PEX5L: variants seen among roughly 807,000 people sequenced by gnomAD.
PEX5L encodes PEX5-related protein.
Under a neutral mutation model 84.0 loss-of-function variants are expected in PEX5L, and 30 were observed. The ratio of observed to expected loss-of-function variants is 0.36; its 90% CI spans 0.27 to 0.48. The LOEUF (loss-of-function observed/expected upper bound fraction) is 0.48, where lower values mean the gene tolerates loss of function less well. PEX5L is among the 20% of genes least tolerant of loss of function. The pLI, the probability that PEX5L is intolerant of heterozygous loss-of-function variation, is 0.99. For missense variants in PEX5L, 533 were observed against 754.6 expected (o/e 0.71, Z 3.44); for synonymous variants, 270 against 283.1 (o/e 0.95, Z 0.46).
intron 1 of PEX5L, among the ~76,000 whole-genome samples, chr3:179,982,438 C>A (rs933039784): frequency 6.6e-6 from 1 of 152,156 alleles, no homozygotes; most frequent in Non-Finnish European, 1.5e-5. Flanking sequence ...ATCTTTGCAT[C>A]TTTCCTGTCT....
chr3:179,936,317 C>T (rs557194741), intron 2 of PEX5L, among the ~76,000 whole-genome samples: 1 of 152,256 alleles, frequency 6.6e-6, no homozygotes, highest in South Asian at 2.1e-4. Flanking sequence ...TAATATATGT[C>T]AGATGGGATT....
chr3:179,907,992 T>C (rs1273207681), intron 2 of PEX5L, among the ~76,000 whole-genome samples: 1 of 152,208 alleles, frequency 6.6e-6, no homozygotes, highest in Non-Finnish European at 1.5e-5. Flanking sequence ...GTTTACAAGC[T>C]ACTAGCCAAG....
chr3:179,953,745 G>A (rs1578902808), intron 2 of PEX5L, among the ~76,000 whole-genome samples: 2 of 152,238 alleles, frequency 1.3e-5, no homozygotes, highest in South Asian at 4.1e-4. Flanking sequence ...GAGTAGTGAT[G>A]TTAGATAAGC....
At chr3:179,834,904 T>C (rs2109236791) in intron 8 of PEX5L, among the ~76,000 whole-genome samples, 1 of 152,272 alleles carries the variant, frequency 6.6e-6, no homozygotes, top group South Asian at 2.1e-4. Flanking sequence ...CAGACGAGGT[T>C]CTTAGGGTGG....
chr3:180,031,846 A>G (rs1395436683), intron 1 of PEX5L, among the ~76,000 whole-genome samples: 3 of 152,330 alleles, frequency 2.0e-5, no homozygotes, highest in Admixed American at 6.5e-5. Context: ...AGAGTTAACA[A>G]GTTGTGTTTT....
At chr3:179,919,003 G>T (rs1287980494) in intron 2 of PEX5L, among the ~76,000 whole-genome samples, 1 of 152,202 alleles carries the variant, frequency 6.6e-6, no homozygotes, top group African/African-American at 2.4e-5. Flanking sequence ...GACAGCTGTG[G>T]ATTTGGAAGA....
Position 179,797,599 on chromosome 3 carries a change from A to ATAT in PEX5L, c.*4228_*4229insATA, listed in dbSNP as rs1372167222. On this transcript the variant is annotated 3_prime_UTR_variant, in exon 15 of 15. Transcript: ENST00000467460. The stretch of plus-strand genomic sequence containing the variant: ...TCTATGAACACTCTTTAAAAAAAAA[A>ATAT]AAAAAAATATATATATATATATATA... The ATAT allele has an allele frequency of 3.7e-5, 4 of 108,076 alleles. No individual in the cohort carries two copies. Among genetic ancestry groups the ATAT allele is most frequent in the African/African-American group, 8.1e-5 (2 of 24,580 alleles). 6.7% of individuals were successfully genotyped at this position (108,076 alleles called of 1,614,324 possible).
chr3:179,846,546 C>A (rs1460278034), intron 8 of PEX5L, among the ~76,000 whole-genome samples: 3 of 152,124 alleles, frequency 2.0e-5, no homozygotes, highest in Non-Finnish European at 4.4e-5. Context: ...CCATGGAGTG[C>A]TGAGGTATTT....
At chr3:179,939,269 G>A (rs970222785) in intron 2 of PEX5L, among the ~76,000 whole-genome samples, 9 of 152,190 alleles carry the variant, frequency 5.9e-5, no homozygotes, top group African/African-American at 2.2e-4. Flanking sequence ...TTATAAGACA[G>A]TGTTGGTAAA....
At chr3:179,874,291 G>A (rs768379976) in intron 7 of PEX5L, 36 bp downstream of exon 7, 3 of 1,153,430 alleles carry the variant, frequency 2.6e-6, no homozygotes, top group Admixed American at 1.7e-5. Context: ...CTATATATAG[G>A]GAAAGATGTG....
chr3:179,874,305 A>T, intron 7 of PEX5L, 22 bp downstream of exon 7: 1 of 1,330,858 alleles, frequency 7.5e-7, no homozygotes, highest in South Asian at 1.2e-5. Flanking sequence ...AGATGTGTTC[A>T]TTGAATAATC....
intron 1 of PEX5L, among the ~76,000 whole-genome samples, chr3:179,974,980 T>C (rs192231842): frequency 3.3e-5 from 5 of 152,298 alleles, no homozygotes; most frequent in Admixed American, 3.3e-4. Context: ...GAGGATCACT[T>C]GAGGCCAGGA....
chr3:179,954,522 T>G (rs765707754), intron 2 of PEX5L, among the ~76,000 whole-genome samples: 3 of 152,160 alleles, frequency 2.0e-5, no homozygotes, highest in South Asian at 2.1e-4. Flanking sequence ...GGGACCTTTT[T>G]TTTGTTTGTT....
Position 180,036,709 on chromosome 3 carries a change from G to C in PEX5L, c.-110C>G. On this transcript the variant is annotated 5_prime_UTR_variant, in exon 1 of 15. Coordinates refer to ENST00000467460, the MANE Select transcript of PEX5L (RefSeq NM_016559.3). ...TGGGTGCACAGCGGGTTCTCAGAGG[G>C]TGCTCCTGAGCCCCCTGGAGCTCCG... 2 of 1,216,574 alleles carry C rather than the reference G, an allele frequency of 1.6e-6. No individual in the cohort carries two copies. Among genetic ancestry groups the C allele is most frequent in the Non-Finnish European group, 2.4e-6 (2 of 819,248 alleles). 75.4% of individuals were successfully genotyped at this position (1,216,574 alleles called of 1,614,324 possible). A position where few individuals can be genotyped will look rare whatever the true frequency, so the allele number is the denominator to read the frequency against.
chr3:179,857,163 T>G (rs781093665), intron 8 of PEX5L, among the ~76,000 whole-genome samples: 2 of 152,160 alleles, frequency 1.3e-5, no homozygotes, highest in Non-Finnish European at 2.9e-5. Context: ...GTTAATGAGA[T>G]GTAGGTAGTT....
chr3:179,960,401 G>A (rs1054978700), intron 2 of PEX5L, among the ~76,000 whole-genome samples: 5 of 152,302 alleles, frequency 3.3e-5, no homozygotes, highest in African/African-American at 1.2e-4. Context: ...AGGTAGTTAG[G>A]GGCTGGATGA....
rs538738389 is a variant in PEX5L at position 179,799,797 on chromosome 3, G to A, written c.*2031C>T. ...TGGCCCCAAGAGTCCTTACCAGACT[G>A]GGTTTCTCGAATTCTACAATTCTTA... On this transcript the variant is annotated 3_prime_UTR_variant, in exon 15 of 15. Coordinates refer to ENST00000467460, the MANE Select transcript of PEX5L (RefSeq NM_016559.3). 3 of 152,322 alleles carry A rather than the reference G, an allele frequency of 2.0e-5. No individual in the cohort carries two copies. The South Asian group carries it at 6.2e-4, about 32-fold the overall frequency. 9.4% of individuals were successfully genotyped at this position (152,322 alleles called of 1,614,324 possible).
In PEX5L at chr3:180,036,798, G is replaced by C. The variant is rs931531578; in HGVS notation, c.-199C>G. 4.3e-5 allele frequency: 26 copies of C among 602,136 alleles called. No individual in the cohort carries two copies. The highest frequency in any genetic ancestry group is 6.3e-5 in the Non-Finnish European group (21 of 331,926). The allele number at this position is 602,136 out of a possible 1,614,324, so 37.3% of individuals were successfully genotyped here. On this transcript the variant is annotated 5_prime_UTR_variant, in exon 1 of 15. Coordinates refer to ENST00000467460, the MANE Select transcript of PEX5L (RefSeq NM_016559.3). ...GGCTGCCGGGAACTGTTCTCCGCTCGGGGTGCTGAAAGCGGACGCGGGAGA... is the reference window on the plus strand; with the variant it reads ...GGCTGCCGGGAACTGTTCTCCGCTCCGGGTGCTGAAAGCGGACGCGGGAGA...
chr3:179,856,899 A>G (rs571812804), intron 8 of PEX5L, among the ~76,000 whole-genome samples: 67 of 152,338 alleles, frequency 4.4e-4, no homozygotes, highest in African/African-American at 1.3e-3. Context: ...CAAGCCCCTC[A>G]ACTTACAGGT....
Sources: allele counts gnomAD v4.1 joint callset (sites outside exome capture counted in the v4.1 genomes callset), GRCh38; gene constraint gnomAD v4.1.1; transcripts MANE v1.5; gene names NCBI Gene and HGNC (gene_info 2026-07-23, HGNC 2026-07-21).